Variants in SCOC observed in about 807,000 individuals in gnomAD.
SCOC encodes the protein short coiled coil protein.
SCOC carries 7 observed loss-of-function variants against 9.9 expected under a neutral mutation model. The observed-to-expected ratio is 0.71, with a 90% confidence interval of 0.40 to 1.33. The LOEUF (loss-of-function observed/expected upper bound fraction) is 1.33, where lower values mean the gene tolerates loss of function less well. Ranked by LOEUF, SCOC falls within the 40% of genes most tolerant of loss-of-function variation. The pLI, the probability that SCOC is intolerant of heterozygous loss-of-function variation, is 0.01. For synonymous variants in SCOC, 19 were observed against 28.2 expected, an observed-to-expected ratio of 0.67 and a Z score of 1.03; for missense variants, 66 against 89.7, an observed-to-expected ratio of 0.74 and a Z score of 1.07.
intron 1 of SCOC, among the ~76,000 whole-genome samples, chr4:140,281,405 T>C (rs12500652): frequency 0.018 from 2,789 of 152,278 alleles, 41 homozygotes; most frequent in Middle Eastern, 0.054. Context: ...GAGTCCCTCA[T>C]ATGTTCACAG....
upstream of SCOC, among the ~76,000 whole-genome samples, chr4:140,339,243 C>A (rs985270741): frequency 2.0e-5 from 3 of 152,116 alleles, no homozygotes; most frequent in South Asian, 2.1e-4. Flanking sequence ...AACTGGCTAG[C>A]CATATGTAGA....
At chr4:140,268,250 A>G (rs1486960495) in intron 1 of SCOC, among the ~76,000 whole-genome samples, 1 of 152,170 alleles carries the variant, frequency 6.6e-6, no homozygotes, top group Admixed American at 6.5e-5. Context: ...GGCCCCATAT[A>G]ACGTTTGTAT....
chr4:140,355,228 T>TG (rs1389883816), intron 2 of SCOC, among the ~76,000 whole-genome samples: 67 of 128,730 alleles, frequency 5.2e-4, no homozygotes, highest in Middle Eastern at 7.9e-3. Context: ...TATATATATA[T>TG]ATATATATAT....
In SCOC at chr4:140,264,597, G is replaced by T. The variant is rs140949406; in HGVS notation, c.-19+7187G>T. On this transcript the variant is annotated intron_variant, in intron 1 of 4. Transcript: ENST00000394205. ...TGGACATTGGCAGGGACTTCTTTTG[G>T]TGGTTACAAGGATAGGGATACTACT... is the stretch of plus-strand genomic sequence containing the variant. Among the ~76,000 whole-genome samples, 5 of 152,254 alleles carry T rather than the reference G, an allele frequency of 3.3e-5. No individual in the cohort carries two copies. In the East Asian group the frequency reaches 9.7e-4, roughly 29 times the overall value.
intron 1 of SCOC, among the ~76,000 whole-genome samples, chr4:140,287,515 C>A (rs1464892237): frequency 2.0e-5 from 3 of 151,170 alleles, no homozygotes. Context: ...ATCTACCATA[C>A]ACCACACATA....
chr4:140,258,094 A>G (rs1378495151), intron 1 of SCOC, among the ~76,000 whole-genome samples: 1 of 152,198 alleles, frequency 6.6e-6, no homozygotes, highest in Non-Finnish European at 1.5e-5. Context: ...CCTGCACAGC[A>G]TAGTGGACTG....
chr4:140,271,252 A>G (rs998443476), intron 1 of SCOC, among the ~76,000 whole-genome samples: 30 of 152,100 alleles, frequency 2.0e-4, no homozygotes, highest in Admixed American at 1.7e-3. Flanking sequence ...AGTTGGATAG[A>G]ATGGGTCTGG....
intron 2 of SCOC, among the ~76,000 whole-genome samples, chr4:140,363,791 T>C (rs10020870): frequency 0.96 from 145,776 of 152,306 alleles, 69,823 homozygotes; most frequent in East Asian, 1. Context: ...AAATTGCCTA[T>C]AGCAGTAAAA....
At chr4:140,369,857 ATTTTTTTTTTTTTTTT>A (rs540817613), upstream of SCOC, among the ~76,000 whole-genome samples, 39 of 31,420 alleles carry the variant, frequency 1.2e-3, no homozygotes, top group East Asian at 0.016. Flanking sequence ...CAGAAGGGGG[ATTTTTTTTTTTTTTTT>A]TTTTTTTTTT....
chr4:140,305,328 T>G (rs2126458771), intron 1 of SCOC, among the ~76,000 whole-genome samples: 1 of 152,336 alleles, frequency 6.6e-6, no homozygotes, highest in African/African-American at 2.4e-5. Context: ...TTAGGCAGCA[T>G]GTCAATATTT....
intron 1 of SCOC, chr4:140,314,574 A>C (rs1732255518): frequency 6.6e-6 from 1 of 152,218 alleles, no homozygotes. Flanking sequence ...CCCAGATCTC[A>C]TTCTTTGTGT....
intron 1 of SCOC, among the ~76,000 whole-genome samples, chr4:140,313,687 C>G (rs1732223577): frequency 6.6e-6 from 1 of 152,154 alleles, no homozygotes; most frequent in Non-Finnish European, 1.5e-5. Context: ...AAGCTAGTAT[C>G]CCGGTGGAGG....
chr4:140,295,574 C>T (rs887147056), intron 1 of SCOC, among the ~76,000 whole-genome samples: 9 of 152,162 alleles, frequency 5.9e-5, no homozygotes, highest in Admixed American at 3.3e-4. Flanking sequence ...AGTGAGACGG[C>T]GTGGCCCCGC....
chr4:140,322,863 C>T (rs922119745), intron 1 of SCOC, among the ~76,000 whole-genome samples: 1 of 152,096 alleles, frequency 6.6e-6, no homozygotes, highest in African/African-American at 2.4e-5. Flanking sequence ...TGCTATTCAT[C>T]AAGACAACAA....
intron 2 of SCOC, among the ~76,000 whole-genome samples, chr4:140,367,071 T>C (rs1354230442): frequency 6.6e-6 from 1 of 151,910 alleles, no homozygotes; most frequent in Non-Finnish European, 1.5e-5. Flanking sequence ...CCGGGTGTCA[T>C]GGCAGGCACC....
At chr4:140,345,271 T>G (rs183970339) in intron 2 of SCOC, among the ~76,000 whole-genome samples, 11 of 152,280 alleles carry the variant, frequency 7.2e-5, no homozygotes, top group Admixed American at 3.9e-4. Flanking sequence ...AATTGCCGCC[T>G]CCTTCTCCTT....
At chr4:140,326,050 C>A (rs1370789409) in intron 1 of SCOC, among the ~76,000 whole-genome samples, 1 of 152,012 alleles carries the variant, frequency 6.6e-6, no homozygotes, top group Non-Finnish European at 1.5e-5. Flanking sequence ...TAAATGCATT[C>A]TGTAAGTGAA....
At chr4:140,356,500 C>T (rs1002332827) in intron 2 of SCOC, among the ~76,000 whole-genome samples, 9 of 152,276 alleles carry the variant, frequency 5.9e-5, no homozygotes, top group African/African-American at 2.2e-4. Context: ...GCTGTCATGT[C>T]ACCTTCATCT....
chr4:140,271,101 A>G (rs1192215341), intron 1 of SCOC, among the ~76,000 whole-genome samples: 2 of 152,212 alleles, frequency 1.3e-5, no homozygotes, highest in Non-Finnish European at 2.9e-5. Flanking sequence ...TATAGAAAAT[A>G]ATTGCATGAA....
Sources: gnomAD v4.1 joint callset for allele counts (sites outside exome capture counted in the v4.1 genomes callset) on GRCh38, gnomAD v4.1.1 for gene constraint, MANE v1.5 for transcripts, NCBI Gene and HGNC (gene_info 2026-07-23, HGNC 2026-07-21) for gene names.